Variants in SLC35F4 observed in about 807,000 individuals in gnomAD.
The protein encoded by SLC35F4 is chromosome 14 open reading frame 36.
SLC35F4 carries 24 observed loss-of-function variants against 44.2 expected under a neutral mutation model. That is an observed-to-expected ratio of 0.54 (90% CI 0.39 to 0.76). SLC35F4 has a LOEUF of 0.76. Ranked by LOEUF, SLC35F4 falls within the 30% of genes least tolerant of loss-of-function variation. The pLI, the probability that SLC35F4 is intolerant of heterozygous loss-of-function variation, is 0.00. For synonymous variants in SLC35F4, 238 were observed against 223.6 expected, an observed-to-expected ratio of 1.06 and a Z score of -0.57; for missense variants, 562 against 586.1, an observed-to-expected ratio of 0.96 and a Z score of 0.42.
chr14:57,944,001 G>A (rs561845065), intron 1 of SLC35F4, among the ~76,000 whole-genome samples: 1 of 152,276 alleles, frequency 6.6e-6, no homozygotes, highest in African/African-American at 2.4e-5. Flanking sequence ...GGTCCAGCCA[G>A]TGGCCTCAGT....
intron 1 of SLC35F4, among the ~76,000 whole-genome samples, chr14:57,625,317 G>C (rs554452842): frequency 2.6e-5 from 4 of 152,214 alleles, no homozygotes; most frequent in African/African-American, 9.6e-5. Flanking sequence ...CAAACAGATG[G>C]AAAAACATTC....
At chr14:57,708,866 T>A (rs1237209978) in intron 1 of SLC35F4, among the ~76,000 whole-genome samples, 1 of 152,084 alleles carries the variant, frequency 6.6e-6, no homozygotes, top group Non-Finnish European at 1.5e-5. Context: ...ACGTGTCCAC[T>A]GGACAGGGGG....
At chr14:57,923,872 G>A (rs928570983) in intron 1 of SLC35F4, among the ~76,000 whole-genome samples, 8 of 152,314 alleles carry the variant, frequency 5.3e-5, no homozygotes, top group East Asian at 1.9e-4. Context: ...GATATGGTTC[G>A]GCTGTGTCCC....
At chr14:57,706,971 G>A (rs1052021576) in intron 1 of SLC35F4, among the ~76,000 whole-genome samples, 1 of 152,190 alleles carries the variant, frequency 6.6e-6, no homozygotes, top group Non-Finnish European at 1.5e-5. Flanking sequence ...ATTAATGAAG[G>A]CAAGAATGGA....
At chr14:57,868,871 C>G (rs993652474), upstream of SLC35F4, among the ~76,000 whole-genome samples, 5 of 152,064 alleles carry the variant, frequency 3.3e-5, no homozygotes, top group African/African-American at 1.2e-4. Context: ...ATGTATGCCT[C>G]AAATCTATTC....
chr14:57,741,959 T>C (rs1357831551), intron 1 of SLC35F4, among the ~76,000 whole-genome samples: 2 of 152,190 alleles, frequency 1.3e-5, no homozygotes, highest in Non-Finnish European at 2.9e-5. Context: ...CAGAATTTCA[T>C]ATCAGGCCAA....
chr14:57,960,245 G>T (rs1230461714), intron 1 of SLC35F4, among the ~76,000 whole-genome samples: 1 of 151,866 alleles, frequency 6.6e-6, no homozygotes, highest in Non-Finnish European at 1.5e-5. Flanking sequence ...AGACCTCAGT[G>T]CCCACAGATG....
intron 1 of SLC35F4, among the ~76,000 whole-genome samples, chr14:57,848,947 A>C (rs1886280427): frequency 6.6e-6 from 1 of 152,142 alleles, no homozygotes; most frequent in Admixed American, 6.5e-5. Context: ...TGCCTGCTGG[A>C]GTGTGAGTAA....
At chr14:57,765,121 G>A (rs1414051585) in intron 1 of SLC35F4, among the ~76,000 whole-genome samples, 2 of 152,182 alleles carry the variant, frequency 1.3e-5, no homozygotes, top group African/African-American at 2.4e-5. Context: ...ATTATAAATG[G>A]AGCACACAAC....
At chr14:57,972,599 G>A (rs142051123), downstream of SLC35F4, among the ~76,000 whole-genome samples, 390 of 152,168 alleles carry the variant, frequency 2.6e-3, 1 homozygote, top group African/African-American at 9.0e-3. Context: ...AGGCTCAAAG[G>A]GTTGGAGTTA....
At chr14:57,807,248 G>GGAAGGAGGA (rs1881431394) in intron 1 of SLC35F4, among the ~76,000 whole-genome samples, 61 of 152,202 alleles carry the variant, frequency 4.0e-4, no homozygotes, top group African/African-American at 1.4e-3. Flanking sequence ...GAGAGCATGA[G>GGAAGGAGGA]TTCTCTCTGC....
chr14:57,601,428 C>T (rs1385948433), intron 1 of SLC35F4, among the ~76,000 whole-genome samples: 1 of 152,066 alleles, frequency 6.6e-6, no homozygotes, highest in Non-Finnish European at 1.5e-5. Context: ...CACTACTGAT[C>T]ATAGTGCCCA....
intron 1 of SLC35F4, among the ~76,000 whole-genome samples, chr14:57,760,933 C>G (rs1305177564): frequency 6.6e-6 from 1 of 152,106 alleles, no homozygotes; most frequent in Admixed American, 6.6e-5. Context: ...CTCCATTTCT[C>G]TCTCTCTCTG....
intron 1 of SLC35F4, among the ~76,000 whole-genome samples, chr14:57,691,647 A>T (rs1164634465): frequency 6.6e-6 from 1 of 152,184 alleles, no homozygotes; most frequent in East Asian, 1.9e-4. Context: ...CATTTCAAAG[A>T]TGATATTTGT....
At chr14:57,906,092 G>A (rs1196213852) in intron 1 of SLC35F4, among the ~76,000 whole-genome samples, 1 of 152,030 alleles carries the variant, frequency 6.6e-6, no homozygotes, top group African/African-American at 2.4e-5. Context: ...GCATCCCCCT[G>A]GTGACCAAAA....
At chr14:57,836,670 C>T (rs1279124765) in intron 1 of SLC35F4, among the ~76,000 whole-genome samples, 1 of 152,122 alleles carries the variant, frequency 6.6e-6, no homozygotes, top group East Asian at 1.9e-4. Context: ...AATTAATCTA[C>T]ATGTACTCAG....
chr14:57,922,036 G>A (rs1238454207), intron 1 of SLC35F4, among the ~76,000 whole-genome samples: 1 of 152,168 alleles, frequency 6.6e-6, no homozygotes, highest in African/African-American at 2.4e-5. Context: ...GAGGAGGGCT[G>A]TAGCCAAACT....
intron 1 of SLC35F4, among the ~76,000 whole-genome samples, chr14:57,796,562 CAT>C (rs1459684844): frequency 1.3e-5 from 2 of 152,120 alleles, no homozygotes; most frequent in African/African-American, 4.8e-5. Flanking sequence ...TATTAAAAGT[CAT>C]AAATAAAAGC....
At chr14:57,828,635 T>C (rs1884037161) in intron 1 of SLC35F4, among the ~76,000 whole-genome samples, 1 of 152,224 alleles carries the variant, frequency 6.6e-6, no homozygotes. Flanking sequence ...TTCTTAAATA[T>C]GTGCAAGAAG....
Sources: allele counts gnomAD v4.1 joint callset (sites outside exome capture counted in the v4.1 genomes callset), GRCh38; gene constraint gnomAD v4.1.1; transcripts MANE v1.5; gene names NCBI Gene and HGNC (gene_info 2026-07-23, HGNC 2026-07-21).